Variants in DZANK1 observed in about 807,000 individuals in gnomAD.
DZANK1 encodes double zinc ribbon and ankyrin repeat domains 1, also known as double zinc ribbon and ankyrin repeat-containing protein 1.
A neutral mutation model predicts 94.5 loss-of-function variants in DZANK1; 91 were observed. The ratio of observed to expected loss-of-function variants is 0.96; its 90% CI spans 0.81 to 1.15. The LOEUF (loss-of-function observed/expected upper bound fraction) is 1.15, where lower values mean the gene tolerates loss of function less well. Among genes scored for constraint, DZANK1 ranks in the 50% most tolerant of loss-of-function variants. The probability of loss-of-function intolerance (pLI) is 0.00; values close to 1 mark genes in which losing one functional copy is unlikely to be tolerated. For synonymous variants in DZANK1, 312 were observed against 325.3 expected (o/e 0.96, Z 0.44); for missense variants, 903 against 916.4 (o/e 0.99, Z 0.19).
At chr20:18,455,738 T>C (rs945871460) in intron 3 of DZANK1, among the ~76,000 whole-genome samples, 2 of 152,172 alleles carry the variant, frequency 1.3e-5, no homozygotes, top group African/African-American at 4.8e-5. Flanking sequence ...AAGCCTGGGC[T>C]GGGGTAACTG....
Position 18,407,131 on chromosome 20 carries a change from T to C in DZANK1, c.1432+5515A>G, listed in dbSNP as rs533753985. Among the ~76,000 whole-genome samples, 9 of 152,374 alleles carry C rather than the reference T, an allele frequency of 5.9e-5. No homozygotes were observed. In the South Asian group the frequency reaches 1.9e-3, roughly 32 times the overall value. On this transcript the variant is annotated intron_variant, in intron 13 of 20. Coordinates refer to ENST00000262547, the Ensembl canonical transcript of DZANK1. ...TCAAGGCCTGGTAGAACTCACCACC[T>C]GGAAGGTTAGGACCTTGGGCAAGGC...
chr20:18,409,442 T>C (rs1443402417), intron 13 of DZANK1, among the ~76,000 whole-genome samples: 2 of 152,062 alleles, frequency 1.3e-5, no homozygotes. Context: ...ATCTTATAGC[T>C]AGTAGAGTTT....
chr20:18,388,059 C>A (rs549027521), intron 19 of DZANK1, among the ~76,000 whole-genome samples: 55 of 152,308 alleles, frequency 3.6e-4, no homozygotes, highest in South Asian at 6.2e-4. Context: ...ACTCTTGAAA[C>A]TAACAGATAT....
intron 10 of DZANK1, among the ~76,000 whole-genome samples, chr20:18,424,102 G>A (rs2057917921): frequency 6.6e-6 from 1 of 152,148 alleles, no homozygotes; most frequent in Non-Finnish European, 1.5e-5. Flanking sequence ...TGAAAGAGGG[G>A]AATAGATCCT....
intron 13 of DZANK1, among the ~76,000 whole-genome samples, chr20:18,405,629 G>A (rs950500503): frequency 1.3e-5 from 2 of 152,196 alleles, no homozygotes; most frequent in Non-Finnish European, 2.9e-5. Context: ...TGGAGGTGGA[G>A]CAAGATGGCA....
intron 19 of DZANK1, among the ~76,000 whole-genome samples, chr20:18,388,131 A>T (rs145174295): frequency 6.6e-6 from 1 of 152,140 alleles, no homozygotes. Flanking sequence ...ACTGGCATGC[A>T]CTGGAAAGGA....
chr20:18,428,132 C>A (rs1256681629), intron 9 of DZANK1, among the ~76,000 whole-genome samples: 1 of 141,764 alleles, frequency 7.1e-6, no homozygotes, highest in Admixed American at 7.1e-5. Flanking sequence ...GCCTGGGTGA[C>A]AGAGCAAGAC....
Position 18,406,948 on chromosome 20 carries a change from G to C in DZANK1, c.1432+5698C>G, listed in dbSNP as rs140524761. Among the ~76,000 whole-genome samples, 366 of 152,338 alleles carry C rather than the reference G, an allele frequency of 2.4e-3. 5 individuals are homozygous for C. Among genetic ancestry groups the C allele is most frequent in the Admixed American group, 0.02 (307 of 15,308 alleles). On this transcript the variant is annotated intron_variant, in intron 13 of 20. Transcript: ENST00000262547. ...GACATGTGGACCAGTAGTGGTGGTG[G>C]CCACAGGGAGAGGTTCCTCTGCCTG...
intron 15 of DZANK1, chr20:18,394,619 C>T (rs1383414955): frequency 1.6e-6 from 1 of 634,152 alleles, no homozygotes; most frequent in East Asian, 3.4e-5. Context: ...GGGACCATCA[C>T]AATAGCCTTT....
chr20:18,388,467 C>T (rs534372305), intron 19 of DZANK1, among the ~76,000 whole-genome samples: 16 of 152,338 alleles, frequency 1.1e-4, no homozygotes, highest in Non-Finnish European at 1.9e-4. Flanking sequence ...CCAGGACTCA[C>T]GCTGCTTACA....
At chr20:18,412,540 C>T (rs1476697102) in intron 13 of DZANK1, 106 bp downstream of exon 13, 3 of 1,166,262 alleles carry the variant, frequency 2.6e-6, no homozygotes, top group Non-Finnish European at 3.7e-6. Flanking sequence ...AAGAAACTTA[C>T]TTCTTACACA....
chr20:18,466,742 C>G (rs2059670188), intron 1 of DZANK1: 1 of 152,286 alleles, frequency 6.6e-6, no homozygotes, highest in Non-Finnish European at 1.5e-5. Flanking sequence ...GCCCAAATGG[C>G]AACGTGCAGT....
intron 20 of DZANK1, 71 bp downstream of exon 20, chr20:18,384,944 TA>T: frequency 6.9e-7 from 1 of 1,442,604 alleles, no homozygotes; most frequent in Non-Finnish European, 9.5e-7. Flanking sequence ...AGGCCCCTCT[TA>T]AAATCATCAC....
At chr20:18,456,391 T>C (rs2059293223) in intron 3 of DZANK1, among the ~76,000 whole-genome samples, 1 of 152,218 alleles carries the variant, frequency 6.6e-6, no homozygotes. Context: ...AGCTCACCTA[T>C]ACTCTATTTT....
intron 11 of DZANK1, among the ~76,000 whole-genome samples, chr20:18,414,959 T>G (rs1458747526): frequency 6.6e-6 from 1 of 152,168 alleles, no homozygotes; most frequent in Admixed American, 6.5e-5. Flanking sequence ...CTGTGGGACT[T>G]AGAGAGAGAG....
At chr20:18,435,256 T>C (rs2058474224) in intron 8 of DZANK1, among the ~76,000 whole-genome samples, 1 of 152,172 alleles carries the variant, frequency 6.6e-6, no homozygotes, top group Non-Finnish European at 1.5e-5. Context: ...TAAGATATGC[T>C]GACCCAAAGG....
intron 14 of DZANK1, among the ~76,000 whole-genome samples, chr20:18,397,339 T>C (rs138580157): frequency 1.6e-4 from 24 of 152,286 alleles, no homozygotes; most frequent in South Asian, 4.1e-4. Flanking sequence ...TTTCATAAAG[T>C]TCCTTCTAGT....
intron 10 of DZANK1, among the ~76,000 whole-genome samples, chr20:18,424,067 A>G (rs2057917108): frequency 6.6e-6 from 1 of 152,202 alleles, no homozygotes; most frequent in Admixed American, 6.5e-5. Context: ...TAAAGAAAGA[A>G]CACACATATT....
At position 18,453,867 on chromosome 20, in the gene DZANK1, C is replaced by T. The variant is rs373164351; in HGVS notation, c.379-40G>A. 95 of 1,199,024 alleles carry T rather than the reference C, an allele frequency of 7.9e-5. No homozygotes were observed. The African/African-American group carries it at 1.2e-3, about 16-fold the overall frequency. 74.3% of individuals were successfully genotyped at this position (1,199,024 alleles called of 1,614,324 possible). The stretch of plus-strand genomic sequence containing the variant: ...ATTGCATATCAATCACTTGGTTATT[C>T]CCATGTGAGAATTAAAGCTGCATGA... On this transcript the variant is annotated intron_variant, in intron 4 of 20. Transcript: ENST00000262547.
Sources: allele counts gnomAD v4.1 joint callset (sites outside exome capture counted in the v4.1 genomes callset), GRCh38; gene constraint gnomAD v4.1.1; transcripts MANE v1.5; gene names NCBI Gene and HGNC (gene_info 2026-07-23, HGNC 2026-07-21).